Variants in PRIM2 observed in about 807,000 individuals in gnomAD.
PRIM2 encodes DNA primase subunit 2.
In PRIM2, 39 loss-of-function variants were observed where a neutral mutation model predicts 67.3. The observed-to-expected ratio is 0.58, with a 90% CI of 0.45 to 0.76. PRIM2 has a LOEUF of 0.76. PRIM2 is among the 30% of genes least tolerant of loss of function. PRIM2 has a pLI of 0.00. For synonymous variants in PRIM2, 143 were observed against 198.7 expected, an observed-to-expected ratio of 0.72 and a Z score of 2.36; for missense variants, 398 against 598.7, an observed-to-expected ratio of 0.66 and a Z score of 3.50.
the PRIM2 span, among the ~76,000 whole-genome samples, chr6:57,258,717 TC>T: frequency 6.6e-6 from 1 of 152,106 alleles, no homozygotes; most frequent in East Asian, 1.9e-4. Context: ...TATCCCCTGT[TC>T]TTTTTTCCCT....
intron 5 of PRIM2, among the ~76,000 whole-genome samples, chr6:57,342,976 G>A (rs1420764268): frequency 6.6e-6 from 1 of 151,942 alleles, no homozygotes; most frequent in Non-Finnish European, 1.5e-5. Flanking sequence ...ATTCTTGGTT[G>A]GTAATTACTT....
intron 12 of PRIM2, among the ~76,000 whole-genome samples, chr6:57,613,768 G>A: frequency 6.6e-6 from 1 of 152,320 alleles, no homozygotes; most frequent in South Asian, 2.1e-4. Flanking sequence ...TGTGTTGGAG[G>A]AGGGAAACCC....
At chr6:57,293,834 T>A in the PRIM2 span, among the ~76,000 whole-genome samples, 2 of 52,838 alleles carry the variant, frequency 3.8e-5, no homozygotes, top group Non-Finnish European at 7.6e-5. Flanking sequence ...TGGGGCCTGT[T>A]GGGGGGTGGG....
chr6:57,309,150 T>TA, the PRIM2 span, among the ~76,000 whole-genome samples: 2 of 152,018 alleles, frequency 1.3e-5, no homozygotes, highest in Non-Finnish European at 2.9e-5. Context: ...TTTTTTTTTT[T>TA]TTATTATACT....
At chr6:57,606,305 C>T (rs1231845945) in intron 11 of PRIM2, 70 bp from the exon 12 acceptor site, 132 of 1,281,160 alleles carry the variant, frequency 1.0e-4, no homozygotes, top group Middle Eastern at 9.1e-4. Context: ...GATGGTCTCT[C>T]GAGTGTGGTG....
intron 7 of PRIM2, among the ~76,000 whole-genome samples, chr6:57,486,754 C>T (rs1411241611): frequency 1.3e-5 from 2 of 152,214 alleles, no homozygotes; most frequent in African/African-American, 4.8e-5. Context: ...AGCTAGATAA[C>T]TAGCATTGAC....
chr6:57,516,626 A>G (rs1402854134), intron 8 of PRIM2, among the ~76,000 whole-genome samples: 4 of 152,212 alleles, frequency 2.6e-5, no homozygotes, highest in African/African-American at 9.7e-5. Flanking sequence ...TGCTGTAAAT[A>G]GTAGACTTTG....
chr6:57,497,657 G>C (rs1774035172), intron 7 of PRIM2: 1 of 152,154 alleles, frequency 6.6e-6, no homozygotes, highest in Admixed American at 6.5e-5. Context: ...CAAGGTCGTT[G>C]GTTGCTTTTT....
chr6:57,591,996 G>C lies in PRIM2; in HGVS notation c.1021-9097G>C, dbSNP rs1343231596. On this transcript the variant is annotated intron_variant, in intron 10 of 13. Coordinates refer to ENST00000615550, the MANE Select transcript of PRIM2 (RefSeq NM_000947.5). The stretch of plus-strand genomic sequence containing the variant: ...AAGGAATACTACACAGCCATAAAAA[G>C]AACAAAATCATGTCCTTTGCATCAG... Among the ~76,000 whole-genome samples, 3 of 152,224 alleles carry C rather than the reference G, an allele frequency of 2.0e-5. No homozygotes were observed. The East Asian group carries it at 5.8e-4, about 29-fold the overall frequency.
chr6:57,559,876 T>G (rs1328429093), intron 10 of PRIM2, among the ~76,000 whole-genome samples: 22 of 152,114 alleles, frequency 1.4e-4, no homozygotes, highest in Admixed American at 1.3e-3. Flanking sequence ...GAGCCTTTGG[T>G]GAGTTGTAAT....
In PRIM2 at chr6:57,557,962, A is replaced by G. The variant is rs1365560919; in HGVS notation, c.1020+20337A>G. Among the ~76,000 whole-genome samples, 697 of 152,240 alleles carry G rather than the reference A, an allele frequency of 4.6e-3. 1 individual carries two copies. Among genetic ancestry groups the G allele is most frequent in the African/African-American group, 0.016 (671 of 41,540 alleles). ...TGGATATTTAGAAATATTTCACAAA[A>G]CTTAATAAATAAATAGACATTAGTC... is the stretch of plus-strand genomic sequence containing the variant. On this transcript the variant is annotated intron_variant, in intron 10 of 13. Coordinates refer to ENST00000615550, the MANE Select transcript of PRIM2 (RefSeq NM_000947.5).
the PRIM2 span, among the ~76,000 whole-genome samples, chr6:57,306,652 C>T: frequency 1.3e-5 from 2 of 152,176 alleles, no homozygotes; most frequent in East Asian, 1.9e-4. Context: ...ATCAGCAGTC[C>T]GCGTCCTGAA....
At chr6:57,617,712 C>G (rs1776779840) in intron 12 of PRIM2, among the ~76,000 whole-genome samples, 1 of 152,094 alleles carries the variant, frequency 6.6e-6, no homozygotes, top group East Asian at 1.9e-4. Flanking sequence ...GTTTTCTTGT[C>G]AACAACTTCT....
At chr6:57,566,091 G>T (rs1410899103) in intron 10 of PRIM2, among the ~76,000 whole-genome samples, 1 of 149,480 alleles carries the variant, frequency 6.7e-6, no homozygotes, top group Non-Finnish European at 1.5e-5. Flanking sequence ...TTGAAGAAAT[G>T]AGCCAGTTCT....
chr6:57,436,225 A>G (rs1772009685), intron 7 of PRIM2, among the ~76,000 whole-genome samples: 1 of 152,154 alleles, frequency 6.6e-6, no homozygotes, highest in Admixed American at 6.5e-5. Flanking sequence ...ACTGGGTTGT[A>G]ATTTTTAAAA....
At chr6:57,454,627 G>A (rs1772690783) in intron 7 of PRIM2, among the ~76,000 whole-genome samples, 1 of 152,116 alleles carries the variant, frequency 6.6e-6, no homozygotes, top group Non-Finnish European at 1.5e-5. Context: ...GATTGGTGGT[G>A]ATATCCCCTT....
chr6:57,295,151 G>A, the PRIM2 span, among the ~76,000 whole-genome samples: 2 of 152,124 alleles, frequency 1.3e-5, no homozygotes, highest in Non-Finnish European at 2.9e-5. Context: ...GTTACTTCTA[G>A]AATCAGAAGA....
chr6:57,326,649 A>T (rs1298435562), intron 5 of PRIM2, among the ~76,000 whole-genome samples: 1 of 151,702 alleles, frequency 6.6e-6, no homozygotes, highest in East Asian at 1.9e-4. Flanking sequence ...TGAACCCGGG[A>T]GGTGGAGGTT....
chr6:57,307,229 A>C, the PRIM2 span, among the ~76,000 whole-genome samples: 1 of 144,528 alleles, frequency 6.9e-6, no homozygotes, highest in East Asian at 2.1e-4. Context: ...ATAAAAAAAA[A>C]ATAAAAAAAT....
Sources: allele counts gnomAD v4.1 joint callset (sites outside exome capture counted in the v4.1 genomes callset), GRCh38; gene constraint gnomAD v4.1.1; transcripts MANE v1.5; gene names NCBI Gene and HGNC (gene_info 2026-07-23, HGNC 2026-07-21).